The following KIAA1671 variants were observed in gnomAD, a reference collection of about 807,000 sequenced individuals.
The protein encoded by KIAA1671 is KIAA1671.
A neutral mutation model predicts 131.2 loss-of-function variants in KIAA1671; 52 were observed. The observed-to-expected ratio is 0.40, with a 90% CI of 0.32 to 0.50. The LOEUF (loss-of-function observed/expected upper bound fraction) is 0.50, where lower values mean the gene tolerates loss of function less well. KIAA1671 is among the 20% of genes least tolerant of loss of function. The pLI is 0.73. For missense variants in KIAA1671, 2,360 were observed against 2,364.2 expected (o/e 1.00, Z 0.04); for synonymous variants, 1,003 against 961.6 (o/e 1.04, Z -0.80).
intron 1 of KIAA1671, among the ~76,000 whole-genome samples, chr22:24,973,608 C>T (rs1395889599): frequency 1.3e-5 from 2 of 151,846 alleles, no homozygotes; most frequent in African/African-American, 4.8e-5. Flanking sequence ...CTAGGCCAAG[C>T]TGGTCTCTAA....
intron 1 of KIAA1671, among the ~76,000 whole-genome samples, chr22:25,025,401 A>G (rs1020734872): frequency 1.6e-4 from 25 of 152,284 alleles, no homozygotes; most frequent in Non-Finnish European, 3.1e-4. Flanking sequence ...GTAGGTGCTT[A>G]ATAAATGTAT....
At chr22:25,031,306 C>T (rs1395336222) in intron 3 of KIAA1671, among the ~76,000 whole-genome samples, 1 of 151,774 alleles carries the variant, frequency 6.6e-6, no homozygotes, top group Admixed American at 6.6e-5. Context: ...ACGCCATTCT[C>T]CTGCCTCAGC....
chr22:25,029,078 C>G lies in KIAA1671; in HGVS notation c.1079C>G (p.Ser360Trp). ...KIRERKEKML[S>W]KPEMGSPRAL... ...CGTGAACGGAAGGAGAAGATGCTTT[C>G]GAAGCCGGAGATGGGCAGCCCCAGA... The change falls in exon 3 of 13, where the codon TCG (serine) becomes TGG (tryptophan). Residue 360 changes from serine to tryptophan, a missense_variant. Ser to Trp is a radical substitution (Grantham distance 177, BLOSUM62 -3). Around this residue, in one of 3 missense-constraint regions of KIAA1671, gnomAD observed 1,185 missense variants for 1,126.2 expected, o/e 1.05. Coordinates refer to ENST00000358431, the MANE Select transcript of KIAA1671 (RefSeq NM_001145206.2). The G allele has an allele frequency of 6.7e-7, 1 of 1,497,486 alleles. No individual in the cohort carries two copies. The highest frequency in any genetic ancestry group is 8.9e-7 in the Non-Finnish European group (1 of 1,121,244). The allele number at this position is 1,497,486 out of a possible 1,614,324, so 92.8% of individuals were successfully genotyped here.
intron 6 of KIAA1671, among the ~76,000 whole-genome samples, chr22:25,166,746 A>ATTTTC (rs1359619630): frequency 6.6e-6 from 1 of 152,162 alleles, no homozygotes; most frequent in Non-Finnish European, 1.5e-5. Flanking sequence ...TTCCAGTGTG[A>ATTTTC]AAACTGAGGC....
chr22:25,122,173 C>T (rs564751000), intron 6 of KIAA1671, among the ~76,000 whole-genome samples: 4 of 152,118 alleles, frequency 2.6e-5, no homozygotes, highest in Non-Finnish European at 4.4e-5. Flanking sequence ...AAGTGGGACT[C>T]GACTCCAGAG....
At chr22:25,079,828 A>G (rs1311612528) in intron 6 of KIAA1671, among the ~76,000 whole-genome samples, 9 of 152,124 alleles carry the variant, frequency 5.9e-5, no homozygotes, top group Non-Finnish European at 1.2e-4. Context: ...AATAGGACTG[A>G]CACAACCCAG....
chr22:25,025,659 C>T lies in KIAA1671; in HGVS notation c.-181C>T, dbSNP rs1250112980. 1.3e-5 allele frequency: 2 copies of T among 152,332 alleles called. No homozygotes were observed. Among genetic ancestry groups the T allele is most frequent in the East Asian group, 1.9e-4 (1 of 5,188 alleles). The allele number at this position is 152,332 out of a possible 1,614,324, so 9.4% of individuals were successfully genotyped here. On this transcript the variant is annotated 5_prime_UTR_variant, in exon 2 of 13. In the 5' UTR this introduces an upstream ATG that the reference lacks. Transcript: ENST00000358431. ...CCTGCTGAAACTCAGCCTGCTGGGA[C>T]GAGTCTTCTTTCCCCCTTCTTGTTT...
At chr22:25,047,219 C>T (rs12163013) in intron 5 of KIAA1671, among the ~76,000 whole-genome samples, 7,069 of 148,438 alleles carry the variant, frequency 0.048, 202 homozygotes, top group East Asian at 0.11. Flanking sequence ...GGCATGATCT[C>T]GGCTCACTGC....
rs1926810292 is a variant in KIAA1671 at position 25,039,763 on chromosome 22, C to G, written c.2633C>G (p.Pro878Arg). The G allele has an allele frequency of 6.7e-7, 1 of 1,496,852 alleles. No homozygotes were observed. Among genetic ancestry groups the G allele is most frequent in the African/African-American group, 1.4e-5 (1 of 71,708 alleles). 92.7% of individuals were successfully genotyped at this position (1,496,852 alleles called of 1,614,324 possible). Residue 878 changes from proline (P) to arginine (R), a missense_variant, in exon 5 of 13, where the codon CCA (proline) becomes CGA (arginine). Physicochemically the swap from Pro to Arg is moderately radical, Grantham distance 103. This residue lies in a region of KIAA1671 where 1,161 missense variants were observed against 1,204.7 expected (regional missense o/e 0.96). Transcript: ENST00000358431. ...RSKPGVGARG[P>R]PQGCPLDPLS... ...AAGCCAGGAGTGGGAGCAAGGGGCC[C>G]ACCCCAGGGATGCCCCCTCGATCCT...
In KIAA1671 at chr22:25,029,392, T is replaced by A. The variant is rs1602080079; in HGVS notation, c.1393T>A (p.Ser465Thr). Reference protein sequence around the residue: ...GSESPLATPASPSAAPEPEKG... With the variant: ...GSESPLATPATPSAAPEPEKG... ...TGAATCTCCCCTGGCCACCCCTGCG[T>A]CCCCATCGGCGGCACCAGAGCCGGA... The change falls in exon 3 of 13, where the codon TCC becomes ACC. Residue 465 changes from serine (S) to threonine (T), a missense_variant. Physicochemically the swap from Ser to Thr is moderately conservative, Grantham distance 58 (BLOSUM62 1). This residue lies in a region of KIAA1671 where 1,185 missense variants were observed against 1,126.2 expected (regional missense o/e 1.05). Coordinates refer to ENST00000358431, the MANE Select transcript of KIAA1671 (RefSeq NM_001145206.2). The A allele has an allele frequency of 1.9e-6, 3 of 1,551,340 alleles. No individual in the cohort carries two copies. In the East Asian group the frequency reaches 7.3e-5, roughly 38 times the overall value.
Position 25,040,290 on chromosome 22 carries a change from C to T in KIAA1671, c.3160C>T (p.His1054Tyr). 2 of 1,551,732 alleles carry T rather than the reference C, an allele frequency of 1.3e-6. No individual in the cohort carries two copies. Among genetic ancestry groups the T allele is most frequent in the Admixed American group, 2.0e-5 (1 of 51,014 alleles). Residue 1054 changes from histidine to tyrosine, a missense_variant, in exon 5 of 13, where the codon CAT becomes TAT. His to Tyr is a moderately conservative substitution (Grantham distance 83). Transcript: ENST00000358431. ...VLSGAESLLEHSRKITPPSSP... is the reference protein window; with the variant it reads ...VLSGAESLLEYSRKITPPSSP... The stretch of plus-strand genomic sequence containing the variant: ...GTCAGGAGCTGAAAGCTTGCTGGAA[C>T]ATTCTAGAAAAATCACTCCACCCTC...
At chr22:25,093,742 C>CTCTCTCTCTCTCTG (rs1930170347) in intron 6 of KIAA1671, among the ~76,000 whole-genome samples, 17 of 118,550 alleles carry the variant, frequency 1.4e-4, no homozygotes, top group South Asian at 3.0e-4. Context: ...CACACACTCT[C>CTCTCTCTCTCTCTG]TCTCTCTCTC....
At chr22:25,035,200 T>C (rs1392893302) in intron 4 of KIAA1671, among the ~76,000 whole-genome samples, 2 of 151,758 alleles carry the variant, frequency 1.3e-5, no homozygotes, top group South Asian at 2.1e-4. Flanking sequence ...CACGTGCCTC[T>C]ATGCCCACTT....
At chr22:25,128,352 G>A (rs1042871758) in intron 6 of KIAA1671, among the ~76,000 whole-genome samples, 1 of 152,228 alleles carries the variant, frequency 6.6e-6, no homozygotes, top group African/African-American at 2.4e-5. Context: ...ATGGACCAGT[G>A]CATGAACGGA....
At chr22:24,994,973 T>G (rs1924034237) in intron 1 of KIAA1671, among the ~76,000 whole-genome samples, 1 of 151,720 alleles carries the variant, frequency 6.6e-6, no homozygotes, top group Non-Finnish European at 1.5e-5. Flanking sequence ...CCAGCCACGT[T>G]CCTGCATTTG....
intron 3 of KIAA1671, among the ~76,000 whole-genome samples, chr22:25,031,864 A>G (rs7288365): frequency 0.74 from 112,595 of 152,166 alleles, 42,919 homozygotes; most frequent in African/African-American, 0.93. Context: ...ATCCCAGGAG[A>G]CAGACCCTGG....
Position 25,038,985 on chromosome 22 carries a change from G to T in KIAA1671, c.1855G>T (p.Val619Leu). The T allele has an allele frequency of 6.4e-7, 1 of 1,551,766 alleles. No homozygotes were observed. The highest frequency in any genetic ancestry group is 8.7e-7 in the Non-Finnish European group (1 of 1,147,034). Residue 619 changes from valine to leucine, a missense_variant, in exon 5 of 13, where the codon GTG becomes TTG. Physicochemically the swap from Val to Leu is conservative, Grantham distance 32 (BLOSUM62 1). Coordinates refer to ENST00000358431, the MANE Select transcript of KIAA1671 (RefSeq NM_001145206.2). ...TVWATVFEHH[V>L]ERHTVADQSG... ...GTGGGCCACAGTATTTGAGCACCAC[G>T]TGGAGAGACACACAGTGGCTGACCA...
chr22:25,038,677 C>A, intron 4 of KIAA1671, 83 bp from the exon 5 acceptor site: 1 of 1,310,768 alleles, frequency 7.6e-7, no homozygotes, highest in Non-Finnish European at 1.0e-6. Flanking sequence ...ATACAAGCAG[C>A]CCTTTCAATT....
chr22:25,040,482 G>A lies in KIAA1671; in HGVS notation c.3352G>A (p.Asp1118Asn). The stretch of plus-strand genomic sequence containing the variant: ...ATCATCTCTTGGGGCCTGGAGTCTG[G>A]ACCCTTTCAATGGAAGAATCATTGA... ...RPSSLGAWSL[D>N]PFNGRIIDVD... The change falls in exon 5 of 13, where the codon GAC becomes AAC. Residue 1118 changes from aspartate to asparagine, a missense_variant. By Grantham distance (23) the Asp-to-Asn change is conservative (BLOSUM62 1). This residue lies in a region of KIAA1671 where 1,161 missense variants were observed against 1,204.7 expected (regional missense o/e 0.96). Coordinates refer to ENST00000358431, the MANE Select transcript of KIAA1671 (RefSeq NM_001145206.2). 1 of 1,551,936 alleles carries A rather than the reference G, an allele frequency of 6.4e-7. No individual in the cohort carries two copies.
Sources: allele counts gnomAD v4.1 joint callset (sites outside exome capture counted in the v4.1 genomes callset), GRCh38; gene constraint gnomAD v4.1.1; regional missense constraint gnomAD v4.1.1; transcripts MANE v1.5; gene names NCBI Gene and HGNC (gene_info 2026-07-23, HGNC 2026-07-21).